The following CSTF3 variants were observed in gnomAD, a reference collection of about 807,000 sequenced individuals.
CSTF3 encodes cleavage stimulation factor subunit 3.
Under a neutral mutation model 105.8 loss-of-function variants are expected in CSTF3, and 29 were observed. The observed-to-expected ratio is 0.27, with a 90% confidence interval of 0.20 to 0.37. The LOEUF (loss-of-function observed/expected upper bound fraction) is 0.37, where lower values mean the gene tolerates loss of function less well. CSTF3 is among the 10% of genes least tolerant of loss of function. The probability of loss-of-function intolerance (pLI) is 1.00; values close to 1 mark genes in which losing one functional copy is unlikely to be tolerated. For synonymous variants in CSTF3, 252 were observed against 281.9 expected, an observed-to-expected ratio of 0.89 and a Z score of 1.06; for missense variants, 357 against 879.3, an observed-to-expected ratio of 0.41 and a Z score of 7.51.
At chr11:33,154,875 C>G (rs1849839890) in intron 1 of CSTF3, among the ~76,000 whole-genome samples, 1 of 152,082 alleles carries the variant, frequency 6.6e-6, no homozygotes, top group Non-Finnish European at 1.5e-5. Flanking sequence ...TGACAGGTGT[C>G]ACAATGAGAC....
At chr11:33,102,154 C>A in intron 10 of CSTF3, 23 bp downstream of exon 10, 1 of 1,604,840 alleles carries the variant, frequency 6.2e-7, no homozygotes, top group East Asian at 2.2e-5. Flanking sequence ...TAACTGAAGT[C>A]CCATGAGGGT....
At chr11:33,092,489 T>C (rs1855179470) in intron 15 of CSTF3, 149 bp from the exon 16 acceptor site, 1 of 527,088 alleles carries the variant, frequency 1.9e-6, no homozygotes, top group Non-Finnish European at 3.2e-6. Context: ...ATGAGGAAAC[T>C]TGAGCTTCAG....
At chr11:33,113,613 T>C (rs1204470821) in intron 3 of CSTF3, among the ~76,000 whole-genome samples, 2 of 152,198 alleles carry the variant, frequency 1.3e-5, no homozygotes, top group Admixed American at 6.5e-5. Flanking sequence ...TAATGAATTA[T>C]CCAAATTTTA....
intron 1 of CSTF3, among the ~76,000 whole-genome samples, chr11:33,160,247 A>C (rs1360807757): frequency 6.6e-6 from 1 of 152,204 alleles, no homozygotes; most frequent in Non-Finnish European, 1.5e-5. Context: ...AAAACAATTT[A>C]ATCAAACTGC....
At chr11:33,158,104 AG>A (rs1849888869) in intron 1 of CSTF3, among the ~76,000 whole-genome samples, 1 of 152,206 alleles carries the variant, frequency 6.6e-6, no homozygotes, top group South Asian at 2.1e-4. Context: ...GAAGTCATGG[AG>A]GAAACAAGAT....
intron 1 of CSTF3, among the ~76,000 whole-genome samples, chr11:33,160,162 T>C (rs1849921201): frequency 6.6e-6 from 1 of 151,762 alleles, no homozygotes; most frequent in African/African-American, 2.4e-5. Context: ...CTTTGCATGC[T>C]TGGGCATGCT....
At chr11:33,145,594 C>A (rs530256894) in intron 1 of CSTF3, among the ~76,000 whole-genome samples, 1 of 152,232 alleles carries the variant, frequency 6.6e-6, no homozygotes, top group African/African-American at 2.4e-5. Context: ...AGGCAGCTCA[C>A]TAGGTCAGGA....
chr11:33,119,635 C>CAA (rs1397840074), intron 3 of CSTF3, among the ~76,000 whole-genome samples: 1 of 151,740 alleles, frequency 6.6e-6, no homozygotes, highest in Non-Finnish European at 1.5e-5. Context: ...CTATAAAACT[C>CAA]ACAGTATATT....
chr11:33,148,858 G>A (rs1448152922), intron 1 of CSTF3, among the ~76,000 whole-genome samples: 1 of 106,946 alleles, frequency 9.4e-6, no homozygotes, highest in African/African-American at 3.3e-5. Context: ...TACTGTTGCT[G>A]TGTTTTTTTT....
At chr11:33,110,055 T>G (rs150171825) in intron 3 of CSTF3, among the ~76,000 whole-genome samples, 69 of 152,350 alleles carry the variant, frequency 4.5e-4, no homozygotes, top group Middle Eastern at 6.8e-3. Context: ...TGTGTTCATA[T>G]TACTTTGTTC....
At chr11:33,098,573 G>T (rs1855248139) in intron 13 of CSTF3, 117 bp downstream of exon 13, 1 of 631,040 alleles carries the variant, frequency 1.6e-6, no homozygotes, top group East Asian at 3.2e-5. Flanking sequence ...AATGTTATTT[G>T]TCAAGATTAA....
intron 3 of CSTF3, among the ~76,000 whole-genome samples, chr11:33,125,339 A>C (rs1460347382): frequency 6.6e-6 from 1 of 152,048 alleles, no homozygotes; most frequent in Non-Finnish European, 1.5e-5. Flanking sequence ...TTATATGCTT[A>C]TTTTTAACAA....
At position 33,096,868 on chromosome 11, in the gene CSTF3, A is replaced by G; in HGVS notation, c.1239T>C (p.Val413=). 1.2e-6 allele frequency: 2 copies of G among 1,613,774 alleles called. No homozygotes were observed. Among genetic ancestry groups the G allele is most frequent in the Middle Eastern group, 1.7e-4 (1 of 6,054 alleles). Residue 413 remains valine, a synonymous_variant, in exon 14 of 21, where the codon GTT becomes GTC. Coordinates refer to ENST00000323959, the MANE Select transcript of CSTF3 (RefSeq NM_001326.3). ...AGTAATATTCCATGAGTGCTGCAGT[A>G]ACATAGACATGGTGGCGGGTTCTGG... ...EDTRTRHHVY[V]TAALMEYYCS...
chr11:33,103,227 T>A, intron 8 of CSTF3, 43 bp from the exon 9 acceptor site: 1 of 878,676 alleles, frequency 1.1e-6, no homozygotes, highest in Non-Finnish European at 1.7e-6. Flanking sequence ...TATAGTTTCT[T>A]AAAAATTAGT....
At chr11:33,146,714 T>C (rs1304471285) in intron 1 of CSTF3, among the ~76,000 whole-genome samples, 1 of 152,074 alleles carries the variant, frequency 6.6e-6, no homozygotes, top group Non-Finnish European at 1.5e-5. Flanking sequence ...ACACTTACTC[T>C]GCCATATACC....
chr11:33,110,193 T>C (rs1855365977), intron 3 of CSTF3, among the ~76,000 whole-genome samples: 1 of 152,204 alleles, frequency 6.6e-6, no homozygotes, highest in South Asian at 2.1e-4. Flanking sequence ...TGAAGCTGTG[T>C]TGGCAGTCCT....
chr11:33,160,733 T>C (rs961032125), intron 1 of CSTF3, among the ~76,000 whole-genome samples: 2 of 152,200 alleles, frequency 1.3e-5, no homozygotes, highest in African/African-American at 4.8e-5. Flanking sequence ...GCAATGTTTA[T>C]GTAGCTGGAA....
chr11:33,158,240 C>G (rs1046341084), intron 1 of CSTF3, among the ~76,000 whole-genome samples: 4 of 152,072 alleles, frequency 2.6e-5, no homozygotes, highest in African/African-American at 9.7e-5. Flanking sequence ...TGTTGATAAT[C>G]AGATGTCTAA....
chr11:33,160,748 G>T (rs558703251), intron 1 of CSTF3, among the ~76,000 whole-genome samples: 1 of 152,274 alleles, frequency 6.6e-6, no homozygotes, highest in South Asian at 2.1e-4. Flanking sequence ...CTGGAAAAAT[G>T]AAAACGAAAT....
Sources: allele counts gnomAD v4.1 joint callset (sites outside exome capture counted in the v4.1 genomes callset), GRCh38; gene constraint gnomAD v4.1.1; transcripts MANE v1.5; gene names NCBI Gene and HGNC (gene_info 2026-07-23, HGNC 2026-07-21).